The following TNIK variants were observed in gnomAD, a reference collection of about 807,000 sequenced individuals.
TNIK encodes TRAF2 and NCK interacting kinase.
A neutral mutation model predicts 191.3 loss-of-function variants in TNIK; 49 were observed. The observed-to-expected ratio is 0.26, with a 90% CI of 0.20 to 0.32. The LOEUF is 0.32. Ranked by LOEUF, TNIK falls within the 10% of genes least tolerant of loss-of-function variation. TNIK has a pLI of 1.00. For synonymous variants in TNIK, 594 were observed against 600.9 expected (o/e 0.99, Z 0.17); for missense variants, 1,155 against 1,702.3 (o/e 0.68, Z 5.66).
intron 2 of TNIK, among the ~76,000 whole-genome samples, chr3:171,347,422 AGT>A (rs1712417685): frequency 8.2e-6 from 1 of 121,882 alleles, no homozygotes. Flanking sequence ...CACACACACA[AGT>A]AAAGAGAAGC....
At chr3:171,149,159 G>A (rs1163416176) in intron 12 of TNIK, among the ~76,000 whole-genome samples, 1 of 152,192 alleles carries the variant, frequency 6.6e-6, no homozygotes, top group Non-Finnish European at 1.5e-5. Context: ...TAAGAAGACT[G>A]TGAACACACA....
At chr3:171,341,976 A>G (rs756143431) in intron 2 of TNIK, among the ~76,000 whole-genome samples, 1 of 152,208 alleles carries the variant, frequency 6.6e-6, no homozygotes, top group African/African-American at 2.4e-5. Context: ...AAGATGTTTT[A>G]CATTTTTATT....
At chr3:171,399,806 TA>T (rs148430715) in intron 1 of TNIK, among the ~76,000 whole-genome samples, 1,593 of 152,302 alleles carry the variant, frequency 0.01, 27 homozygotes, top group African/African-American at 0.035. Context: ...ATTATAGTGA[TA>T]AAAAATTTAT....
intron 8 of TNIK, among the ~76,000 whole-genome samples, chr3:171,176,469 A>G (rs1560219184): frequency 6.6e-6 from 1 of 152,228 alleles, no homozygotes; most frequent in African/African-American, 2.4e-5. Flanking sequence ...GAAACAGGGA[A>G]GGAGCCAGGC....
At chr3:171,091,967 T>TA (rs1722129244) in intron 23 of TNIK, among the ~76,000 whole-genome samples, 1 of 150,734 alleles carries the variant, frequency 6.6e-6, no homozygotes, top group Admixed American at 6.6e-5. Flanking sequence ...TTTTTTTTTT[T>TA]AAGACAGAGT....
chr3:171,096,678 C>T (rs980556960), intron 22 of TNIK, among the ~76,000 whole-genome samples: 4 of 152,166 alleles, frequency 2.6e-5, no homozygotes, highest in African/African-American at 9.7e-5. Context: ...GGTGGCTCTT[C>T]ACTCTGCCTC....
chr3:171,342,418 C>T (rs1014646075), intron 2 of TNIK, among the ~76,000 whole-genome samples: 1 of 152,166 alleles, frequency 6.6e-6, no homozygotes, highest in African/African-American at 2.4e-5. Context: ...TCTCCACAGG[C>T]TGGCAGAAAG....
chr3:171,274,355 T>A (rs1045848117), intron 2 of TNIK, among the ~76,000 whole-genome samples: 6 of 152,056 alleles, frequency 3.9e-5, no homozygotes, highest in African/African-American at 1.4e-4. Flanking sequence ...ACTGAGCCAC[T>A]CTCTCTCAGG....
At chr3:171,362,156 A>C (rs1166926868) in intron 2 of TNIK, among the ~76,000 whole-genome samples, 1 of 152,310 alleles carries the variant, frequency 6.6e-6, no homozygotes, top group African/African-American at 2.4e-5. Flanking sequence ...AAAGTTCCAC[A>C]GTGCTGCAAC....
chr3:171,114,655 C>G (rs1448624071), intron 18 of TNIK, among the ~76,000 whole-genome samples: 1 of 152,038 alleles, frequency 6.6e-6, no homozygotes, highest in African/African-American at 2.4e-5. Flanking sequence ...TAAATGTAGA[C>G]CCTAATCATA....
intron 1 of TNIK, among the ~76,000 whole-genome samples, chr3:171,420,837 G>T (rs187302880): frequency 4.5e-4 from 69 of 152,222 alleles, no homozygotes; most frequent in African/African-American, 1.6e-3. Flanking sequence ...CTAAAGGGAG[G>T]GCAGCATCTA....
At chr3:171,173,164 C>A (rs941666306) in intron 9 of TNIK, among the ~76,000 whole-genome samples, 3 of 149,300 alleles carry the variant, frequency 2.0e-5, no homozygotes, top group Admixed American at 1.3e-4. Context: ...GCGGGCGGAT[C>A]ATGAGGTCAG....
chr3:171,227,144 T>C (rs1222012854), intron 3 of TNIK, among the ~76,000 whole-genome samples: 5 of 152,182 alleles, frequency 3.3e-5, no homozygotes, highest in African/African-American at 1.2e-4. Flanking sequence ...CAGTGAATCC[T>C]TTCGAGTCAG....
intron 4 of TNIK, among the ~76,000 whole-genome samples, chr3:171,202,157 T>C (rs1301375258): frequency 2.0e-5 from 3 of 152,108 alleles, no homozygotes; most frequent in Non-Finnish European, 4.4e-5. Flanking sequence ...ATCTTGTATT[T>C]GGTGTCTGGA....
intron 1 of TNIK, among the ~76,000 whole-genome samples, chr3:171,371,552 C>G (rs1009253857): frequency 2.6e-5 from 4 of 152,114 alleles, no homozygotes; most frequent in Non-Finnish European, 5.9e-5. Context: ...CCAGTTATGC[C>G]CCACCTGGTC....
chr3:171,108,163 C>A lies in TNIK; in HGVS notation c.2285-1G>T. The stretch of plus-strand genomic sequence containing the variant: ...GGTGATCCTTCTGACTTACTGTTGG[C>A]TAGAGGAAAAAAACAGAGGACCAAG... On this transcript the variant is annotated splice_acceptor_variant, in intron 19 of 32. Transcript: ENST00000436636. LOFTEE classifies it high-confidence loss of function. 1 of 1,535,350 alleles carries A rather than the reference C, an allele frequency of 6.5e-7. No homozygotes were observed. Among genetic ancestry groups the A allele is most frequent in the Admixed American group, 2.2e-5 (1 of 45,540 alleles).
intron 1 of TNIK, among the ~76,000 whole-genome samples, chr3:171,424,111 T>C (rs1259809446): frequency 2.0e-5 from 3 of 152,188 alleles, no homozygotes; most frequent in African/African-American, 7.2e-5. Flanking sequence ...ATCCAGAATC[T>C]ATAATGAACT....
At chr3:171,205,380 T>C (rs567154312) in intron 4 of TNIK, among the ~76,000 whole-genome samples, 48 of 152,342 alleles carry the variant, frequency 3.2e-4, no homozygotes, top group Admixed American at 5.2e-4. Context: ...AGAGCAGCCC[T>C]CTGCATAGAC....
chr3:171,182,921 A>G (rs1383515623), intron 7 of TNIK, among the ~76,000 whole-genome samples: 1 of 152,250 alleles, frequency 6.6e-6, no homozygotes, highest in Non-Finnish European at 1.5e-5. Context: ...TGCAACAGGA[A>G]AAGAACACAT....
Sources: allele counts gnomAD v4.1 joint callset (sites outside exome capture counted in the v4.1 genomes callset), GRCh38; gene constraint gnomAD v4.1.1; transcripts MANE v1.5; gene names NCBI Gene and HGNC (gene_info 2026-07-23, HGNC 2026-07-21).